MACROD2: variants seen among roughly 807,000 people sequenced by gnomAD.
MACROD2 encodes the protein ADP-ribose glycohydrolase MACROD2.
MACROD2 carries 36 observed loss-of-function variants against 70.4 expected under a neutral mutation model. The ratio of observed to expected loss-of-function variants is 0.51; its 90% CI spans 0.39 to 0.68. The LOEUF is 0.68. Among genes scored for constraint, MACROD2 ranks in the 30% least tolerant of loss-of-function variants. The probability of loss-of-function intolerance (pLI) is 0.00; values close to 1 mark genes in which losing one functional copy is unlikely to be tolerated. For missense variants in MACROD2, 496 were observed against 538.4 expected (o/e 0.92, Z 0.78); for synonymous variants, 172 against 178.8 (o/e 0.96, Z 0.30).
intron 8 of MACROD2, among the ~76,000 whole-genome samples, chr20:15,698,630 G>C (rs996237261): frequency 2.6e-5 from 4 of 152,114 alleles, no homozygotes; most frequent in Admixed American, 2.6e-4. Flanking sequence ...CTCTAGCAAG[G>C]CCAGAGAAGT....
intron 5 of MACROD2, among the ~76,000 whole-genome samples, chr20:14,815,556 C>T (rs1420076578): frequency 6.6e-6 from 1 of 151,944 alleles, no homozygotes; most frequent in Non-Finnish European, 1.5e-5. Flanking sequence ...CCCTCTATAG[C>T]ATTGCAAATG....
At chr20:15,118,028 T>G (rs1038456873) in intron 5 of MACROD2, among the ~76,000 whole-genome samples, 3 of 152,124 alleles carry the variant, frequency 2.0e-5, no homozygotes, top group Non-Finnish European at 4.4e-5. Context: ...CTCAAACTCC[T>G]AGGTCTCTCA....
intron 5 of MACROD2, among the ~76,000 whole-genome samples, chr20:14,844,941 T>C (rs1237754738): frequency 6.6e-6 from 1 of 152,116 alleles, no homozygotes; most frequent in Non-Finnish European, 1.5e-5. Flanking sequence ...CTCTATTTCT[T>C]AGACACAGTC....
chr20:15,834,773 T>TA (rs1270880574), intron 8 of MACROD2, among the ~76,000 whole-genome samples: 9 of 152,324 alleles, frequency 5.9e-5, no homozygotes, highest in African/African-American at 1.4e-4. Context: ...TTTTGTTTTG[T>TA]AAAAAATGTT....
intron 13 of MACROD2, among the ~76,000 whole-genome samples, chr20:15,977,315 C>T (rs1403957350): frequency 6.6e-6 from 1 of 152,224 alleles, no homozygotes; most frequent in Admixed American, 6.5e-5. Context: ...TGACTGGAAA[C>T]TTCATCTGAA....
At chr20:14,422,137 T>C (rs2122897158) in intron 3 of MACROD2, among the ~76,000 whole-genome samples, 1 of 152,268 alleles carries the variant, frequency 6.6e-6, no homozygotes, top group Middle Eastern at 3.4e-3. Context: ...GAATTGACCC[T>C]TTTATCAGTA....
At chr20:15,345,459 C>A (rs1360945524) in intron 6 of MACROD2, among the ~76,000 whole-genome samples, 4 of 152,130 alleles carry the variant, frequency 2.6e-5, no homozygotes, top group African/African-American at 9.7e-5. Flanking sequence ...GGATATTGGG[C>A]ACACTCCTGT....
At chr20:15,142,519 TTTA>T (rs1249984101) in intron 5 of MACROD2, among the ~76,000 whole-genome samples, 5 of 152,146 alleles carry the variant, frequency 3.3e-5, no homozygotes, top group African/African-American at 7.2e-5. Context: ...CTTTTATTTT[TTTA>T]TTATTATACT....
intron 5 of MACROD2, among the ~76,000 whole-genome samples, chr20:15,041,402 A>G (rs889430459): frequency 6.6e-6 from 1 of 152,158 alleles, no homozygotes; most frequent in Non-Finnish European, 1.5e-5. Context: ...TTATAGAAGA[A>G]TACTACTTCT....
At chr20:15,862,719 T>G in intron 8 of MACROD2, 26 bp from the exon 9 acceptor site, 2 of 1,586,676 alleles carry the variant, frequency 1.3e-6, no homozygotes, top group South Asian at 1.1e-5. Flanking sequence ...TTTTTTCACT[T>G]TGAGTGTTTT....
At chr20:15,563,614 CTTT>C (rs927007315) in intron 8 of MACROD2, among the ~76,000 whole-genome samples, 4 of 152,184 alleles carry the variant, frequency 2.6e-5, no homozygotes, top group African/African-American at 9.6e-5. Context: ...AGAAAAATCT[CTTT>C]TTTAAGTTTA....
At chr20:15,264,409 T>C (rs914858617) in intron 6 of MACROD2, among the ~76,000 whole-genome samples, 2 of 152,138 alleles carry the variant, frequency 1.3e-5, no homozygotes, top group Admixed American at 1.3e-4. Flanking sequence ...TAGAATAAAC[T>C]TGAGAGTAGA....
chr20:14,005,159 T>C (rs1285491716), intron 2 of MACROD2, among the ~76,000 whole-genome samples: 1 of 152,110 alleles, frequency 6.6e-6, no homozygotes, highest in Non-Finnish European at 1.5e-5. Flanking sequence ...GAACACAAAA[T>C]CAGTGTTTAT....
chr20:14,723,753 C>T (rs1480655102), intron 5 of MACROD2, among the ~76,000 whole-genome samples: 1 of 151,716 alleles, frequency 6.6e-6, no homozygotes, highest in Non-Finnish European at 1.5e-5. Flanking sequence ...TGTATCTGGT[C>T]ATATCCCTTG....
intron 5 of MACROD2, among the ~76,000 whole-genome samples, chr20:14,810,616 AG>A (rs1439182908): frequency 1.3e-5 from 2 of 152,116 alleles, no homozygotes; most frequent in Non-Finnish European, 1.5e-5. Flanking sequence ...AAAGAAATGA[AG>A]GGTATTCAAA....
At chr20:15,943,000 CT>C (rs1252110161) in intron 12 of MACROD2, among the ~76,000 whole-genome samples, 1 of 152,142 alleles carries the variant, frequency 6.6e-6, no homozygotes, top group Admixed American at 6.6e-5. Context: ...CATACAATTG[CT>C]GTTTTTGGTA....
intron 5 of MACROD2, among the ~76,000 whole-genome samples, chr20:14,776,268 T>A (rs1325728038): frequency 6.6e-6 from 1 of 152,020 alleles, no homozygotes; most frequent in Non-Finnish European, 1.5e-5. Flanking sequence ...GAACCTCAGA[T>A]AACCAGTAAA....
intron 9 of MACROD2, among the ~76,000 whole-genome samples, chr20:15,885,491 A>G (rs1299300737): frequency 6.6e-6 from 1 of 152,192 alleles, no homozygotes; most frequent in African/African-American, 2.4e-5. Flanking sequence ...TATAATTTCT[A>G]TAAGTAAAAC....
At position 14,468,276 on chromosome 20, in the gene MACROD2, T is replaced by G. The variant is rs554039258; in HGVS notation, c.272-25203T>G. Among the ~76,000 whole-genome samples the G allele has an allele frequency of 5.3e-5, 8 of 152,112 alleles. No individual in the cohort carries two copies. The South Asian group carries it at 1.7e-3, about 32-fold the overall frequency. The stretch of plus-strand genomic sequence containing the variant: ...CTTTAGAGGTCTCTGGGAACTTGCT[T>G]TATGAATCTGGGTGCTCCTATATTG... On this transcript the variant is annotated intron_variant, in intron 3 of 17. Transcript: ENST00000684519.
Sources: gnomAD v4.1 joint callset for allele counts (sites outside exome capture counted in the v4.1 genomes callset) on GRCh38, gnomAD v4.1.1 for gene constraint, MANE v1.5 for transcripts, NCBI Gene and HGNC (gene_info 2026-07-23, HGNC 2026-07-21) for gene names.